Variants in BAIAP2L1 observed in about 807,000 individuals in gnomAD.
BAIAP2L1 encodes BAR/IMD domain containing adaptor protein 2 like 1, also known as BAR/IMD domain-containing adapter protein 2-like 1.
In BAIAP2L1, 35 loss-of-function variants were observed where a neutral mutation model predicts 66.3. The observed-to-expected ratio is 0.53, with a 90% CI of 0.40 to 0.70. The LOEUF (loss-of-function observed/expected upper bound fraction) is 0.70. BAIAP2L1 is among the 30% of genes least tolerant of loss of function. BAIAP2L1 has a pLI of 0.00. For synonymous variants in BAIAP2L1, 269 were observed against 248.7 expected (o/e 1.08, Z -0.77); for missense variants, 622 against 656.9 (o/e 0.95, Z 0.58).
intron 13 of BAIAP2L1, 121 bp downstream of exon 13, chr7:98,293,953 C>G: frequency 8.4e-7 from 1 of 1,184,612 alleles, no homozygotes; most frequent in Non-Finnish European, 1.2e-6. Context: ...CCCCATGGCT[C>G]CACAGGCCGA....
intron 3 of BAIAP2L1, among the ~76,000 whole-genome samples, chr7:98,344,392 T>C (rs537351690): frequency 2.6e-5 from 4 of 152,366 alleles, no homozygotes; most frequent in East Asian, 1.9e-4. Flanking sequence ...AAATCATCAA[T>C]ATTTTTCTAT....
intron 1 of BAIAP2L1, among the ~76,000 whole-genome samples, chr7:98,397,320 T>C (rs1470214561): frequency 1.1e-3 from 29 of 27,232 alleles, no homozygotes; most frequent in East Asian, 7.9e-3. Flanking sequence ...CTTAAGCCCT[T>C]TTTTTTTTTT....
At chr7:98,305,057 T>G (rs1584429936) in intron 11 of BAIAP2L1, among the ~76,000 whole-genome samples, 3 of 142,236 alleles carry the variant, frequency 2.1e-5, no homozygotes, top group South Asian at 2.2e-4. Context: ...GTTTTTTTTT[T>G]TTTTTTTTTT....
At chr7:98,296,577 T>C (rs1800200815) in intron 12 of BAIAP2L1, among the ~76,000 whole-genome samples, 2 of 152,142 alleles carry the variant, frequency 1.3e-5, no homozygotes, top group South Asian at 2.1e-4. Context: ...TGAGCTGAGA[T>C]TGCACCACTG....
intron 2 of BAIAP2L1, among the ~76,000 whole-genome samples, chr7:98,359,008 T>C (rs1802203893): frequency 6.6e-6 from 1 of 152,138 alleles, no homozygotes; most frequent in East Asian, 1.9e-4. Flanking sequence ...AGGACACCAC[T>C]GCTACTGAGT....
Position 98,310,674 on chromosome 7 carries a change from T to TA in BAIAP2L1, c.808-83_808-82insT, listed in dbSNP as rs1800837325. ...AGATTCCCAAGGCTGTTTTTTTTTT[T>TA]TAAATAATAGGCTATTTATTTATTT... On this transcript the variant is annotated intron_variant, in intron 8 of 13. Transcript: ENST00000005260. 8 of 1,107,272 alleles carry TA rather than the reference T, an allele frequency of 7.2e-6. 1 individual carries two copies. In the South Asian group the frequency reaches 1.3e-4, roughly 19 times the overall value. The allele number at this position is 1,107,272 out of a possible 1,614,324, so 68.6% of individuals were successfully genotyped here. A position where few individuals can be genotyped will look rare whatever the true frequency, so the allele number is the denominator to read the frequency against.
intron 12 of BAIAP2L1, among the ~76,000 whole-genome samples, chr7:98,295,273 G>C (rs1455737666): frequency 6.6e-6 from 1 of 152,150 alleles, no homozygotes; most frequent in African/African-American, 2.4e-5. Flanking sequence ...GGAGCCCCAG[G>C]GCTGTGCCTG....
intron 1 of BAIAP2L1, among the ~76,000 whole-genome samples, chr7:98,366,154 C>G (rs1029918112): frequency 2.6e-5 from 4 of 152,132 alleles, no homozygotes; most frequent in Admixed American, 1.3e-4. Context: ...ATCGGATGGT[C>G]AGCTTTCGCA....
chr7:98,378,349 A>G (rs1262039685), intron 1 of BAIAP2L1, among the ~76,000 whole-genome samples: 1 of 152,058 alleles, frequency 6.6e-6, no homozygotes, highest in Non-Finnish European at 1.5e-5. Context: ...TCCTTTTAAC[A>G]CAGGGTGGGA....
intron 1 of BAIAP2L1, among the ~76,000 whole-genome samples, chr7:98,363,880 G>A (rs1378203886): frequency 6.6e-6 from 1 of 152,094 alleles, no homozygotes; most frequent in South Asian, 2.1e-4. Flanking sequence ...AGAATAGGAC[G>A]ACTCTTGTTT....
chr7:98,389,675 CT>C (rs1802980476), intron 1 of BAIAP2L1, among the ~76,000 whole-genome samples: 1 of 152,082 alleles, frequency 6.6e-6, no homozygotes, highest in South Asian at 2.1e-4. Flanking sequence ...GCTTGTACCT[CT>C]TCTTGTCCCT....
intron 3 of BAIAP2L1, among the ~76,000 whole-genome samples, chr7:98,339,532 C>G (rs1298732657): frequency 1.3e-5 from 2 of 152,202 alleles, no homozygotes; most frequent in Non-Finnish European, 2.9e-5. Flanking sequence ...CTCTAACCCC[C>G]CACCAGAACT....
intron 1 of BAIAP2L1, among the ~76,000 whole-genome samples, chr7:98,374,765 AAAAAT>A (rs1391303161): frequency 1.3e-5 from 2 of 152,186 alleles, no homozygotes; most frequent in South Asian, 2.1e-4. Context: ...TTCCCATAAA[AAAAAT>A]AAAATAAAAT....
At chr7:98,384,100 G>T (rs542354990) in intron 1 of BAIAP2L1, among the ~76,000 whole-genome samples, 2 of 150,446 alleles carry the variant, frequency 1.3e-5, no homozygotes, top group African/African-American at 2.4e-5. Flanking sequence ...ATTGCAGTGA[G>T]CCGAGATCGC....
At chr7:98,360,785 C>G (rs1802252084) in intron 2 of BAIAP2L1, among the ~76,000 whole-genome samples, 1 of 152,156 alleles carries the variant, frequency 6.6e-6, no homozygotes, top group Admixed American at 6.5e-5. Context: ...TTCTGGAGGA[C>G]AGGGGCACTT....
intron 6 of BAIAP2L1, among the ~76,000 whole-genome samples, chr7:98,316,403 G>C (rs895073637): frequency 6.6e-6 from 1 of 152,174 alleles, no homozygotes; most frequent in South Asian, 2.1e-4. Context: ...TGATCATGGA[G>C]AGTCCCTTCT....
chr7:98,329,458 A>G (rs956951499), intron 3 of BAIAP2L1, among the ~76,000 whole-genome samples: 1 of 152,096 alleles, frequency 6.6e-6, no homozygotes, highest in Non-Finnish European at 1.5e-5. Context: ...CCACACTTTC[A>G]TGAGTTTTAC....
chr7:98,317,348 T>C lies in BAIAP2L1; in HGVS notation c.357A>G (p.Leu119=), dbSNP rs769092337. The C allele has an allele frequency of 4.3e-6, 7 of 1,613,636 alleles. No homozygotes were observed. The Admixed American group carries it at 8.3e-5, about 19-fold the overall frequency. ...ELDVKYMNAT[L]KRYQTEHKNK... ...TCTTGTGTTCTGTTTGGTATCTTTT[T>C]AGAGTTGCCTGTAAGTTAAATGGCT... Residue 119 remains leucine, a synonymous_variant, in exon 6 of 14, where the codon CTA becomes CTG. Coordinates refer to ENST00000005260, the MANE Select transcript of BAIAP2L1 (RefSeq NM_018842.5).
chr7:98,338,052 A>C (rs1449062524), intron 3 of BAIAP2L1, among the ~76,000 whole-genome samples: 1 of 152,230 alleles, frequency 6.6e-6, no homozygotes, highest in Non-Finnish European at 1.5e-5. Context: ...ATAATATACA[A>C]AAGTTTACCA....
Sources: allele counts gnomAD v4.1 joint callset (sites outside exome capture counted in the v4.1 genomes callset), GRCh38; gene constraint gnomAD v4.1.1; transcripts MANE v1.5; gene names NCBI Gene and HGNC (gene_info 2026-07-23, HGNC 2026-07-21).